The following STAG1 variants were observed in gnomAD, a reference collection of about 807,000 sequenced individuals.
The protein encoded by STAG1 is cohesin subunit SA-1.
STAG1 carries 26 observed loss-of-function variants against 170.9 expected under a neutral mutation model. The observed-to-expected ratio is 0.15, with a 90% confidence interval of 0.11 to 0.21. The LOEUF is 0.21. STAG1 is among the 10% of genes least tolerant of loss of function. The pLI is 1.00. For synonymous variants in STAG1, 514 were observed against 497.7 expected, an observed-to-expected ratio of 1.03 and a Z score of -0.44; for missense variants, 964 against 1,509.5, an observed-to-expected ratio of 0.64 and a Z score of 5.99.
chr3:136,736,707 T>C, intron 1 of STAG1: 1 of 1,603,504 alleles, frequency 6.2e-7, no homozygotes, highest in Non-Finnish European at 8.5e-7. Flanking sequence ...AGCATCTCTT[T>C]GGCTTCTCTC....
intron 4 of STAG1, among the ~76,000 whole-genome samples, chr3:136,588,955 G>GT (rs1452831147): frequency 6.6e-6 from 1 of 152,070 alleles, no homozygotes; most frequent in African/African-American, 2.4e-5. Context: ...CAGAGAAGGG[G>GT]TTTCACTATG....
intron 1 of STAG1, among the ~76,000 whole-genome samples, chr3:136,746,746 C>T (rs933054863): frequency 6.6e-6 from 1 of 152,048 alleles, no homozygotes; most frequent in Non-Finnish European, 1.5e-5. Context: ...GTCAGGAGTT[C>T]GAGACCAGCC....
chr3:136,473,598 T>C lies in STAG1; in HGVS notation c.1066A>G (p.Ser356Gly). The C allele has an allele frequency of 2.5e-6, 4 of 1,612,622 alleles. No individual in the cohort carries two copies. The highest frequency in any genetic ancestry group is 3.4e-6 in the Non-Finnish European group (4 of 1,179,426). Residue 356 changes from serine to glycine, a missense_variant, in exon 11 of 34, where the codon AGT (serine) becomes GGT (glycine). This residue lies in a region of STAG1 where 162 missense variants were observed against 211.2 expected (regional missense o/e 0.77). Coordinates refer to ENST00000383202, the MANE Select transcript of STAG1 (RefSeq NM_005862.3). ...VRLKCLKALQSLYTNRELFPK... is the reference protein window; with the variant it reads ...VRLKCLKALQGLYTNRELFPK... Reference sequence around the variant, plus strand: ...AATAATTCTCTATTGGTATATAGACTCTGCAGAGCTTTCAAACACTTCAGC... The same window carrying C: ...AATAATTCTCTATTGGTATATAGACCCTGCAGAGCTTTCAAACACTTCAGC...
At chr3:136,518,106 C>T (rs1279465573) in intron 7 of STAG1, 3 of 341,642 alleles carry the variant, frequency 8.8e-6, no homozygotes, top group Non-Finnish European at 1.6e-5. Context: ...TGCATAAACA[C>T]TGACAACAGG....
In STAG1 at chr3:136,477,310, A is replaced by G; in HGVS notation, c.1005T>C (p.Val335=). ...AFLNDSYLKY[V]GWTLHDRQGE... is the part of the protein sequence containing the mutation. ...TTACCCTGTCATGAAGAGTCCAGCCAACATATTTTAGGTAACTGTCATTTA... is the reference window on the plus strand; with the variant it reads ...TTACCCTGTCATGAAGAGTCCAGCCGACATATTTTAGGTAACTGTCATTTA... The change falls in exon 10 of 34, where the codon GTT becomes GTC. Residue 335 remains valine, a synonymous_variant. Coordinates refer to ENST00000383202, the MANE Select transcript of STAG1 (RefSeq NM_005862.3). The G allele has an allele frequency of 6.2e-7, 1 of 1,613,126 alleles. No homozygotes were observed. The highest frequency in any genetic ancestry group is 8.5e-7 in the Non-Finnish European group (1 of 1,179,632).
intron 4 of STAG1, among the ~76,000 whole-genome samples, chr3:136,586,384 G>A (rs1283986329): frequency 2.0e-5 from 3 of 151,964 alleles, no homozygotes; most frequent in Non-Finnish European, 4.4e-5. Context: ...AATGATTTAC[G>A]GGAAATCATG....
intron 1 of STAG1, among the ~76,000 whole-genome samples, chr3:136,727,178 T>C (rs1391261963): frequency 6.6e-6 from 1 of 152,196 alleles, no homozygotes; most frequent in Non-Finnish European, 1.5e-5. Flanking sequence ...ATAAATACCA[T>C]CTGCCTTCTT....
chr3:136,346,911 C>T (rs1022393406), intron 29 of STAG1, among the ~76,000 whole-genome samples: 2 of 151,986 alleles, frequency 1.3e-5, no homozygotes, highest in African/African-American at 4.8e-5. Flanking sequence ...CCAGCCTGGG[C>T]AACAAGGTGA....
intron 15 of STAG1, among the ~76,000 whole-genome samples, chr3:136,438,478 G>C (rs915023539): frequency 1.3e-5 from 2 of 152,064 alleles, no homozygotes; most frequent in African/African-American, 4.8e-5. Flanking sequence ...GCCCGCCTTG[G>C]CTCCCCAAAG....
At position 136,373,092 on chromosome 3, in the gene STAG1, G is replaced by C. The variant is rs376382045; in HGVS notation, c.2371-3810C>G. Among the ~76,000 whole-genome samples the C allele has an allele frequency of 6.6e-5, 10 of 152,176 alleles. No individual in the cohort carries two copies. In the East Asian group the frequency reaches 1.4e-3, roughly 21 times the overall value. On this transcript the variant is annotated intron_variant, in intron 23 of 33. Coordinates refer to ENST00000383202, the MANE Select transcript of STAG1 (RefSeq NM_005862.3). ...TTAGTGTTGGGAGGGTGTATGTGTC[G>C]AGGAATTTATCCATTTCTTCTAGAT...
chr3:136,484,393 G>A (rs2089957552), intron 9 of STAG1, among the ~76,000 whole-genome samples: 1 of 148,252 alleles, frequency 6.7e-6, no homozygotes, highest in South Asian at 2.3e-4. Context: ...GCTGCTCGGG[G>A]GTCAGGGGTC....
intron 21 of STAG1, among the ~76,000 whole-genome samples, chr3:136,410,300 T>C (rs1462539903): frequency 6.6e-6 from 1 of 151,906 alleles, no homozygotes; most frequent in Non-Finnish European, 1.5e-5. Flanking sequence ...CTTGGGAGGC[T>C]GAGGCAGGAG....
At position 136,338,354 on chromosome 3, in the gene STAG1, A is replaced by ATAAT. The variant is rs771143295; in HGVS notation, c.3753+12_3753+15dup. The ATAAT allele has an allele frequency of 2.5e-6, 4 of 1,605,790 alleles. No individual in the cohort carries two copies. The East Asian group carries it at 6.7e-5, about 27-fold the overall frequency. On this transcript the variant is annotated intron_variant, in intron 33 of 33. Transcript: ENST00000383202. ...CAGGAACCATAAATAAAAAGCAGTA[A>ATAAT]TAATTTGACATTTACTGAATCATCT...
At chr3:136,715,581 C>T (rs1943519494) in intron 1 of STAG1, among the ~76,000 whole-genome samples, 1 of 152,086 alleles carries the variant, frequency 6.6e-6, no homozygotes, top group African/African-American at 2.4e-5. Context: ...GATCACACCA[C>T]TGCACTCCAG....
At chr3:136,599,191 A>C (rs1314819336) in intron 4 of STAG1, among the ~76,000 whole-genome samples, 2 of 152,152 alleles carry the variant, frequency 1.3e-5, no homozygotes, top group South Asian at 2.1e-4. Flanking sequence ...CCAAATGCCC[A>C]ACAATAATAG....
chr3:136,477,990 A>C (rs2089799568), intron 9 of STAG1, among the ~76,000 whole-genome samples: 1 of 152,038 alleles, frequency 6.6e-6, no homozygotes, highest in African/African-American at 2.4e-5. Flanking sequence ...GGGTTTCATC[A>C]TATTGGCCAG....
At chr3:136,626,033 A>G (rs1028682278) in intron 2 of STAG1, among the ~76,000 whole-genome samples, 2 of 152,102 alleles carry the variant, frequency 1.3e-5, no homozygotes, top group African/African-American at 4.8e-5. Context: ...AGCCTGGGCG[A>G]AAGAGTAGAA....
chr3:136,350,479 A>G (rs1473524658), intron 28 of STAG1, among the ~76,000 whole-genome samples: 2 of 152,214 alleles, frequency 1.3e-5, no homozygotes, highest in African/African-American at 4.8e-5. Flanking sequence ...CCCTGGGCAC[A>G]GCAGGCTGAG....
intron 6 of STAG1, among the ~76,000 whole-genome samples, chr3:136,533,864 G>A (rs1935495690): frequency 6.6e-6 from 1 of 152,112 alleles, no homozygotes; most frequent in Admixed American, 6.6e-5. Context: ...AGTTCTCACA[G>A]CAACAGAAAA....
Sources: gnomAD v4.1 joint callset for allele counts (sites outside exome capture counted in the v4.1 genomes callset) on GRCh38, gnomAD v4.1.1 for gene constraint, gnomAD v4.1.1 regional missense constraint, MANE v1.5 for transcripts, NCBI Gene and HGNC (gene_info 2026-07-23, HGNC 2026-07-21) for gene names.